The following EXOC4 variants were observed in gnomAD, a reference collection of about 807,000 sequenced individuals.
EXOC4 encodes the protein SEC8-like 1.
A neutral mutation model predicts 107.2 loss-of-function variants in EXOC4; 71 were observed. The ratio of observed to expected loss-of-function variants is 0.66; its 90% CI spans 0.55 to 0.81. The LOEUF (loss-of-function observed/expected upper bound fraction) is 0.81, where lower values mean the gene tolerates loss of function less well. EXOC4 is among the 30% of genes least tolerant of loss of function. EXOC4 has a pLI of 0.00. For missense variants in EXOC4, 1,108 were observed against 1,189.6 expected, an observed-to-expected ratio of 0.93 and a Z score of 1.01; for synonymous variants, 456 against 441.2, an observed-to-expected ratio of 1.03 and a Z score of -0.42.
At chr7:134,096,494 CAT>C in the EXOC4 span, among the ~76,000 whole-genome samples, 3 of 152,086 alleles carry the variant, frequency 2.0e-5, no homozygotes, top group South Asian at 2.1e-4. Context: ...AGTATTGACT[CAT>C]ATGATCACAA....
At chr7:133,471,582 C>T (rs1281208728) in intron 7 of EXOC4, among the ~76,000 whole-genome samples, 1 of 152,094 alleles carries the variant, frequency 6.6e-6, no homozygotes, top group Non-Finnish European at 1.5e-5. Flanking sequence ...AAATTACACC[C>T]ATCCTTTTTC....
chr7:133,330,672 GTCCC>G, intron 5 of EXOC4, among the ~76,000 whole-genome samples: 1 of 151,824 alleles, frequency 6.6e-6, no homozygotes, highest in South Asian at 2.1e-4. Flanking sequence ...GTCCCTCACA[GTCCC>G]TCACAGTCCC....
intron 10 of EXOC4, among the ~76,000 whole-genome samples, chr7:133,730,141 A>G (rs1187694313): frequency 1.3e-5 from 2 of 148,210 alleles, no homozygotes; most frequent in African/African-American, 5.0e-5. Flanking sequence ...CCACAAATCA[A>G]GGATGACAAA....
intron 17 of EXOC4, among the ~76,000 whole-genome samples, chr7:134,059,097 G>T (rs549265164): frequency 2.0e-5 from 3 of 152,176 alleles, no homozygotes; most frequent in Non-Finnish European, 4.4e-5. Flanking sequence ...GCTTTCCTCA[G>T]AGACCTTGGA....
intron 10 of EXOC4, among the ~76,000 whole-genome samples, chr7:133,657,484 A>G (rs1038452903): frequency 2.6e-5 from 4 of 152,198 alleles, no homozygotes; most frequent in Non-Finnish European, 4.4e-5. Context: ...AATTCTAAGC[A>G]GAAATGATCT....
intron 17 of EXOC4, among the ~76,000 whole-genome samples, chr7:134,027,057 C>CA (rs1334326607): frequency 6.6e-6 from 1 of 151,750 alleles, no homozygotes; most frequent in African/African-American, 2.4e-5. Flanking sequence ...GGGATTCACA[C>CA]AAAAATAAAA....
intron 1 of EXOC4, among the ~76,000 whole-genome samples, chr7:133,263,472 C>T (rs1161977968): frequency 6.7e-6 from 1 of 148,760 alleles, no homozygotes; most frequent in Non-Finnish European, 1.5e-5. Flanking sequence ...TCCTCTGCCT[C>T]CCAAGCTCAA....
intron 12 of EXOC4, among the ~76,000 whole-genome samples, chr7:133,912,689 G>A (rs1593171): frequency 2.6e-5 from 4 of 151,672 alleles, no homozygotes; most frequent in South Asian, 4.2e-4. Flanking sequence ...ACTAGGGACA[G>A]AAAAACTAAG....
intron 11 of EXOC4, among the ~76,000 whole-genome samples, chr7:133,834,269 A>G (rs1797871576): frequency 6.6e-6 from 1 of 152,126 alleles, no homozygotes; most frequent in Non-Finnish European, 1.5e-5. Flanking sequence ...CATTATCAGT[A>G]CTGGCTCACA....
intron 17 of EXOC4, among the ~76,000 whole-genome samples, chr7:134,014,101 A>G (rs1348887265): frequency 2.6e-5 from 4 of 152,226 alleles, no homozygotes; most frequent in Non-Finnish European, 5.9e-5. Context: ...CATTATGTAT[A>G]ATAGCCAAAA....
chr7:134,005,013 T>A lies in EXOC4; in HGVS notation c.2450T>A (p.Leu817His), dbSNP rs1281107634. The A allele has an allele frequency of 1.2e-6, 2 of 1,613,594 alleles. No homozygotes were observed. Among genetic ancestry groups the A allele is most frequent in the Non-Finnish European group, 8.5e-7 (1 of 1,179,668 alleles). ...SMDYDPLVVK[L>H]NKDISAIEEA... ...GATTATGACCCCCTGGTGGTCAAGC[T>A]CAACAAAGATATCAGCGCCATTGAA... Residue 817 changes from leucine to histidine, a missense_variant, in exon 16 of 18, where the codon CTC (leucine) becomes CAC (histidine). Leu to His is a moderately conservative substitution (Grantham distance 99). Transcript: ENST00000253861.
At chr7:133,977,521 A>G (rs1793866885) in intron 14 of EXOC4, among the ~76,000 whole-genome samples, 1 of 152,230 alleles carries the variant, frequency 6.6e-6, no homozygotes, top group East Asian at 1.9e-4. Context: ...GAACGGTGCC[A>G]TAATTTGAAT....
At chr7:133,639,474 T>TCATGA in intron 10 of EXOC4, among the ~76,000 whole-genome samples, 1 of 152,180 alleles carries the variant, frequency 6.6e-6, no homozygotes, top group Non-Finnish European at 1.5e-5. Context: ...TTTTTTATTT[T>TCATGA]CCTTTTGTAG....
chr7:133,517,454 C>T (rs149898481), intron 9 of EXOC4, among the ~76,000 whole-genome samples: 119 of 152,118 alleles, frequency 7.8e-4, no homozygotes, highest in South Asian at 6.6e-3. Flanking sequence ...ATTTTCATGC[C>T]GCTGATAAAG....
At chr7:133,705,786 T>C (rs1174904375) in intron 10 of EXOC4, among the ~76,000 whole-genome samples, 1 of 152,198 alleles carries the variant, frequency 6.6e-6, no homozygotes, top group Non-Finnish European at 1.5e-5. Context: ...ATGATTCATA[T>C]CCTGGATGAG....
At chr7:133,888,577 T>C (rs1486584386) in intron 11 of EXOC4, among the ~76,000 whole-genome samples, 1 of 152,242 alleles carries the variant, frequency 6.6e-6, no homozygotes, top group Non-Finnish European at 1.5e-5. Flanking sequence ...GATATAACAC[T>C]GATTTGCTGC....
intron 11 of EXOC4, among the ~76,000 whole-genome samples, chr7:133,854,417 C>CAA: frequency 6.7e-6 from 1 of 149,358 alleles, no homozygotes; most frequent in Non-Finnish European, 1.5e-5. Context: ...AGCACACACA[C>CAA]ACACACACAC....
chr7:133,742,983 T>C (rs1795599187), intron 10 of EXOC4, among the ~76,000 whole-genome samples: 1 of 152,194 alleles, frequency 6.6e-6, no homozygotes, highest in South Asian at 2.1e-4. Flanking sequence ...ATTCTTGCTG[T>C]GTAGGTGCTG....
At chr7:133,967,281 A>G (rs371343801) in intron 14 of EXOC4, among the ~76,000 whole-genome samples, 1 of 78,844 alleles carries the variant, frequency 1.3e-5, no homozygotes, top group Non-Finnish European at 2.5e-5. Flanking sequence ...TCCTGGATTC[A>G]CTGATTTTTT....
Sources: allele counts gnomAD v4.1 joint callset (sites outside exome capture counted in the v4.1 genomes callset), GRCh38; gene constraint gnomAD v4.1.1; transcripts MANE v1.5; gene names NCBI Gene and HGNC (gene_info 2026-07-23, HGNC 2026-07-21).